NUCB1: variants seen among roughly 807,000 people sequenced by gnomAD.
NUCB1 encodes the protein nucleobindin-1.
In NUCB1, 47 loss-of-function variants were observed where a neutral mutation model predicts 61.2. The ratio of observed to expected loss-of-function variants is 0.77; its 90% confidence interval spans 0.61 to 0.98. NUCB1 has a LOEUF of 0.98. Ranked by LOEUF, NUCB1 falls within the 50% of genes least tolerant of loss-of-function variation. NUCB1 has a pLI of 0.00. For synonymous variants in NUCB1, 234 were observed against 243.1 expected, an observed-to-expected ratio of 0.96 and a Z score of 0.35; for missense variants, 583 against 605.3, an observed-to-expected ratio of 0.96 and a Z score of 0.39.
At position 48,921,055 on chromosome 19, in the gene NUCB1, C is replaced by T. The variant is rs575115303; in HGVS notation, c.1003-99C>T. Reference sequence around the variant, plus strand: ...GCCCACCCACATGGCCCTGGCCTCCCAGCCTCCTCTACACCTCCCCCATTG... The same window carrying T: ...GCCCACCCACATGGCCCTGGCCTCCTAGCCTCCTCTACACCTCCCCCATTG... On this transcript the variant is annotated intron_variant, in intron 10 of 12. Coordinates refer to ENST00000405315, the MANE Select transcript of NUCB1 (RefSeq NM_006184.6). 1.5e-5 allele frequency: 20 copies of T among 1,364,950 alleles called. No individual in the cohort carries two copies. In the African/African-American group the frequency reaches 2.9e-4, roughly 20 times the overall value. The allele number at this position is 1,364,950 out of a possible 1,614,324, so 84.6% of individuals were successfully genotyped here.
In NUCB1 at chr19:48,919,142, G is replaced by A; in HGVS notation, c.909+20G>A. On this transcript the variant is annotated intron_variant, in intron 9 of 12. Coordinates refer to ENST00000405315, the MANE Select transcript of NUCB1 (RefSeq NM_006184.6). ...AAGAATGTGAGGTGGGGGCCAGGCG[G>A]GGGAGAGGACGGGCCCCCAGCTCTG... 1.2e-6 allele frequency: 2 copies of A among 1,613,726 alleles called. No homozygotes were observed. Among genetic ancestry groups the A allele is most frequent in the Non-Finnish European group, 1.7e-6 (2 of 1,179,672 alleles).
chr19:48,912,955 G>T, intron 5 of NUCB1, 56 bp from the exon 6 acceptor site: 10 of 1,417,426 alleles, frequency 7.1e-6, no homozygotes, highest in Non-Finnish European at 9.5e-6. Context: ...TTTACAGGCT[G>T]GAATTGGGGG....
chr19:48,904,462 T>G lies in NUCB1; in HGVS notation c.243+8T>G. 3 of 1,550,186 alleles carry G rather than the reference T, an allele frequency of 1.9e-6. No individual in the cohort carries two copies. The highest frequency in any genetic ancestry group is 2.6e-6 in the Non-Finnish European group (3 of 1,134,570). ...AATGCGGAGGACATCAAGGTGCGGC[T>G]GGGGGAGTGGGGGCTGTGGGAGGGG... On this transcript the variant is annotated splice_region_variant and intron_variant, in intron 3 of 12. Coordinates refer to ENST00000405315, the MANE Select transcript of NUCB1 (RefSeq NM_006184.6).
intron 5 of NUCB1, 27 bp downstream of exon 5, chr19:48,911,279 G>A (rs759059653): frequency 2.6e-6 from 4 of 1,532,466 alleles, no homozygotes; most frequent in Non-Finnish European, 2.7e-6. Flanking sequence ...CGGAGGCAGA[G>A]GATTGAGGGT....
chr19:48,914,468 A>G (rs1044925834), intron 7 of NUCB1, among the ~76,000 whole-genome samples: 2 of 152,036 alleles, frequency 1.3e-5, no homozygotes, highest in Admixed American at 6.6e-5. Flanking sequence ...AGTTCCCTCT[A>G]AGGACCAAGC....
At chr19:48,912,965 G>C (rs766566551) in intron 5 of NUCB1, 46 bp from the exon 6 acceptor site, 1 of 1,483,644 alleles carries the variant, frequency 6.7e-7, no homozygotes, top group Admixed American at 2.0e-5. Context: ...GGAATTGGGG[G>C]CTGGGCAGAG....
rs1047496396 is a variant in NUCB1 at position 48,909,408 on chromosome 19, T to C, written c.377-1741T>C. Among the ~76,000 whole-genome samples the C allele has an allele frequency of 7.5e-4, 114 of 151,510 alleles. 1 individual carries two copies. Among genetic ancestry groups the C allele is most frequent in the African/African-American group, 2.7e-3 (112 of 41,260 alleles). ...GATTACAAGCACGCGCCACCACGCC[T>C]GGATAATTTTGTATTTTTAGTACAG... On this transcript the variant is annotated intron_variant, in intron 4 of 12. Transcript: ENST00000405315.
intron 7 of NUCB1, chr19:48,918,475 T>C (rs1422958673): frequency 2.0e-6 from 1 of 489,562 alleles, no homozygotes; most frequent in Non-Finnish European, 3.7e-6. Context: ...TGCATGACAG[T>C]GACCCAAGCA....
At chr19:48,916,272 A>G (rs1480182944) in intron 7 of NUCB1, among the ~76,000 whole-genome samples, 3 of 151,992 alleles carry the variant, frequency 2.0e-5, no homozygotes, top group Non-Finnish European at 2.9e-5. Context: ...TTCTATTTCA[A>G]TTGCCCCATG....
chr19:48,912,484 G>C (rs1462272695), intron 5 of NUCB1, among the ~76,000 whole-genome samples: 10 of 152,094 alleles, frequency 6.6e-5, no homozygotes, highest in Admixed American at 1.3e-4. Flanking sequence ...GTCCCAATCT[G>C]TTTTGAATAA....
Position 48,918,713 on chromosome 19 carries a change from C to T in NUCB1, c.758-13C>T. ...CGGTCCCCTGAGATACCTTGCTATC[C>T]TCTTCCCTTCAGATATCAACAGTGA... On this transcript the variant is annotated splice_polypyrimidine_tract_variant and intron_variant, in intron 7 of 12. Transcript: ENST00000405315. 1.9e-6 allele frequency: 3 copies of T among 1,611,532 alleles called. No individual in the cohort carries two copies. The highest frequency in any genetic ancestry group is 2.5e-6 in the Non-Finnish European group (3 of 1,177,582).
In NUCB1 at chr19:48,918,801, C is replaced by G; in HGVS notation, c.816+17C>G. 1.2e-6 allele frequency: 2 copies of G among 1,611,540 alleles called. No homozygotes were observed. The highest frequency in any genetic ancestry group is 2.2e-5 in the South Asian group (2 of 91,016). On this transcript the variant is annotated intron_variant, in intron 8 of 12. Coordinates refer to ENST00000405315, the MANE Select transcript of NUCB1 (RefSeq NM_006184.6). ...ACCAAGGAGGTGAGCATCTTGGAAG[C>G]CTCGGGCACCTGGAGGGACGCCCAA...
At position 48,921,839 on chromosome 19, in the gene NUCB1, A is replaced by C; in HGVS notation, c.1186A>C (p.Met396Leu). The C allele has an allele frequency of 6.2e-7, 1 of 1,612,342 alleles. No individual in the cohort carries two copies. Among genetic ancestry groups the C allele is most frequent in the Non-Finnish European group, 8.5e-7 (1 of 1,179,958 alleles). The change falls in exon 12 of 13, where the codon ATG (methionine) becomes CTG (leucine). Residue 396 changes from methionine (M) to leucine (L), a missense_variant. Met to Leu is a conservative substitution (Grantham distance 15, BLOSUM62 2). Coordinates refer to ENST00000405315, the MANE Select transcript of NUCB1 (RefSeq NM_006184.6). ...KRELQQAVLH[M>L]EQRKQQQQQQ... ...CCACCTCCCACAGGCTGTGCTGCAC[A>C]TGGAGCAGCGGAAGCAGCAGCAGCA...
Position 48,922,344 on chromosome 19 carries a change from G to A in NUCB1, c.1306G>A (p.Gly436Ser), listed in dbSNP as rs747308527. ...CGATGTACCTGTCCCAGCTCCAGCC[G>A]GTGACCAGAAGGAGGTGGACACTTC... Reference protein sequence around the residue: ...TDDVPVPAPAGDQKEVDTSEK... With the variant: ...TDDVPVPAPASDQKEVDTSEK... The change falls in exon 13 of 13, where the codon GGT becomes AGT. Residue 436 changes from glycine (G) to serine (S), a missense_variant. By Grantham distance (56) the Gly-to-Ser change is moderately conservative. Coordinates refer to ENST00000405315, the MANE Select transcript of NUCB1 (RefSeq NM_006184.6). 1.9e-5 allele frequency: 31 copies of A among 1,613,634 alleles called. No individual in the cohort carries two copies. Among genetic ancestry groups the A allele is most frequent in the Middle Eastern group, 3.3e-4 (2 of 6,080 alleles).
intron 6 of NUCB1, 24 bp downstream of exon 6, chr19:48,913,220 C>T (rs1274658895): frequency 1.3e-6 from 2 of 1,584,466 alleles, no homozygotes; most frequent in Middle Eastern, 1.7e-4. Flanking sequence ...TTGTGCCCAT[C>T]CACTCCCTAC....
In NUCB1 at chr19:48,919,181, T is replaced by A. The variant is rs776444626; in HGVS notation, c.910-13T>A. ...CCCCCAGCTCTGTCACTCACCCTTA[T>A]CTGGCTCCCCAGGTGGACACCAACC... On this transcript the variant is annotated splice_polypyrimidine_tract_variant and intron_variant, in intron 9 of 12. Coordinates refer to ENST00000405315, the MANE Select transcript of NUCB1 (RefSeq NM_006184.6). The A allele has an allele frequency of 3.7e-6, 6 of 1,614,016 alleles. No individual in the cohort carries two copies. The South Asian group carries it at 6.6e-5, about 18-fold the overall frequency.
At chr19:48,913,839 T>C (rs1240813591) in intron 7 of NUCB1, among the ~76,000 whole-genome samples, 3 of 152,304 alleles carry the variant, frequency 2.0e-5, no homozygotes, top group Admixed American at 1.3e-4. Context: ...TGGCTAGGCC[T>C]GGGCCCTCTG....
At chr19:48,904,775 G>A (rs1271129964) in intron 3 of NUCB1, among the ~76,000 whole-genome samples, 4 of 152,026 alleles carry the variant, frequency 2.6e-5, no homozygotes, top group Non-Finnish European at 5.9e-5. Context: ...TCCCATCTCG[G>A]CTTCCCAAAG....
intron 5 of NUCB1, among the ~76,000 whole-genome samples, chr19:48,911,815 T>C (rs2037477257): frequency 6.6e-6 from 1 of 151,910 alleles, no homozygotes. Flanking sequence ...CAGGTGGACA[T>C]GAATTTGGGA....
Sources: allele counts gnomAD v4.1 joint callset (sites outside exome capture counted in the v4.1 genomes callset), GRCh38; gene constraint gnomAD v4.1.1; transcripts MANE v1.5; gene names NCBI Gene and HGNC (gene_info 2026-07-23, HGNC 2026-07-21).